EYA3: variants seen among roughly 807,000 people sequenced by gnomAD.
The protein encoded by EYA3 is protein phosphatase EYA3.
EYA3 carries 39 observed loss-of-function variants against 80.0 expected under a neutral mutation model. The ratio of observed to expected loss-of-function variants is 0.49; its 90% CI spans 0.38 to 0.64. The LOEUF is 0.64. Among genes scored for constraint, EYA3 ranks in the 30% least tolerant of loss-of-function variants. The pLI, the probability that EYA3 is intolerant of heterozygous loss-of-function variation, is 0.00. For synonymous variants in EYA3, 206 were observed against 232.8 expected (o/e 0.88, Z 1.05); for missense variants, 523 against 676.1 (o/e 0.77, Z 2.51).
chr1:28,038,907 TGAAA>T lies in EYA3; in HGVS notation c.158-6_158-3del, dbSNP rs1643620126. ...GGATGTAATCGGTGCATGTCATAAC[TGAAA>T]GAAAGATAATATCACCAGGTTAAAA... On this transcript the variant is annotated splice_region_variant and splice_polypyrimidine_tract_variant and intron_variant, in intron 4 of 17. Transcript: ENST00000373871. 1 of 1,587,024 alleles carries T rather than the reference TGAAA, an allele frequency of 6.3e-7. No individual in the cohort carries two copies. Among genetic ancestry groups the T allele is most frequent in the Non-Finnish European group, 8.6e-7 (1 of 1,162,542 alleles).
intron 16 of EYA3, among the ~76,000 whole-genome samples, chr1:27,981,716 T>C (rs891835009): frequency 7.4e-5 from 11 of 149,120 alleles, no homozygotes; most frequent in African/African-American, 2.7e-4. Flanking sequence ...AGGTCGAGGC[T>C]GTAGTGAGTC....
chr1:28,041,794 T>A (rs890776998), intron 4 of EYA3, among the ~76,000 whole-genome samples: 5 of 152,000 alleles, frequency 3.3e-5, no homozygotes, highest in Non-Finnish European at 7.4e-5. Flanking sequence ...ACAGACAAGA[T>A]CCACCATGCC....
intron 4 of EYA3, among the ~76,000 whole-genome samples, chr1:28,042,236 T>G (rs1643825211): frequency 6.6e-6 from 1 of 152,210 alleles, no homozygotes; most frequent in Non-Finnish European, 1.5e-5. Context: ...TTACACCTTT[T>G]TAAAAAATAT....
chr1:28,077,868 A>G (rs1425576525), intron 1 of EYA3, among the ~76,000 whole-genome samples: 3 of 152,146 alleles, frequency 2.0e-5, no homozygotes, highest in African/African-American at 7.2e-5. Context: ...ACATACCTAT[A>G]TATCTCATCT....
chr1:28,046,944 C>T (rs1039691005), intron 3 of EYA3, among the ~76,000 whole-genome samples: 1 of 151,098 alleles, frequency 6.6e-6, no homozygotes, highest in East Asian at 1.9e-4. Flanking sequence ...GGCCCCTGGG[C>T]TCAAGCAATC....
intron 11 of EYA3, among the ~76,000 whole-genome samples, chr1:28,002,960 A>C (rs1640983691): frequency 6.6e-6 from 1 of 151,812 alleles, no homozygotes; most frequent in Non-Finnish European, 1.5e-5. Flanking sequence ...TCTCTACTAA[A>C]AGTACAAAAA....
intron 11 of EYA3, 56 bp from the exon 12 acceptor site, chr1:28,000,105 A>C: frequency 1.5e-6 from 2 of 1,307,816 alleles, no homozygotes; most frequent in Non-Finnish European, 2.1e-6. Context: ...CCTGGTTCTA[A>C]TCTTCAAATT....
intron 1 of EYA3, among the ~76,000 whole-genome samples, chr1:28,086,424 C>T (rs542178020): frequency 1.4e-4 from 21 of 152,242 alleles, no homozygotes; most frequent in African/African-American, 4.8e-4. Context: ...CCTGGCCAAT[C>T]CTCTGGCCTT....
At position 27,973,996 on chromosome 1, in the gene EYA3, T is replaced by C. The variant is rs1339889372; in HGVS notation, c.*470A>G. On this transcript the variant is annotated 3_prime_UTR_variant, in exon 18 of 18. Transcript: ENST00000373871. ...GCATTTATCTGATCACCACAAGTTATCAGTAATTCTCAATCTGGTCATGGA... is the reference window on the plus strand; with the variant it reads ...GCATTTATCTGATCACCACAAGTTACCAGTAATTCTCAATCTGGTCATGGA... 1 of 152,832 alleles carries C rather than the reference T, an allele frequency of 6.5e-6. No individual in the cohort carries two copies. The highest frequency in any genetic ancestry group is 2.4e-5 in the African/African-American group (1 of 41,460). 9.5% of individuals were successfully genotyped at this position (152,832 alleles called of 1,614,324 possible). A position where few individuals can be genotyped will look rare whatever the true frequency, so the allele number is the denominator to read the frequency against.
intron 1 of EYA3, among the ~76,000 whole-genome samples, chr1:28,076,622 C>CG (rs1269988890): frequency 7.0e-6 from 1 of 142,164 alleles, no homozygotes; most frequent in African/African-American, 2.6e-5. Flanking sequence ...GAGCTGAGAT[C>CG]GCACCACTGC....
intron 1 of EYA3, among the ~76,000 whole-genome samples, chr1:28,072,004 T>C (rs567318673): frequency 7.9e-5 from 12 of 152,274 alleles, no homozygotes; most frequent in Non-Finnish European, 1.6e-4. Context: ...AGTCTCTGCT[T>C]AGCCTAAATG....
chr1:28,064,216 T>C (rs1438241882), intron 1 of EYA3, among the ~76,000 whole-genome samples: 1 of 152,174 alleles, frequency 6.6e-6, no homozygotes, highest in Non-Finnish European at 1.5e-5. Flanking sequence ...TCAAATCCAT[T>C]GAGACGTTGC....
rs1324594560 is a variant in EYA3, at chr1:27,973,168, C to G, written c.*1298G>C. 6.6e-6 allele frequency: 1 copy of G among 152,222 alleles called. No homozygotes were observed. Among genetic ancestry groups the G allele is most frequent in the Non-Finnish European group, 1.5e-5 (1 of 68,042 alleles). The allele number at this position is 152,222 out of a possible 1,614,324, so 9.4% of individuals were successfully genotyped here. On this transcript the variant is annotated 3_prime_UTR_variant, in exon 18 of 18. Transcript: ENST00000373871. ...CTGCTCTTCAGTTTCAGGCAGAGATCTGGGTAAATACATACCTGGGACATC... is the reference window on the plus strand; with the variant it reads ...CTGCTCTTCAGTTTCAGGCAGAGATGTGGGTAAATACATACCTGGGACATC...
chr1:28,020,972 G>C (rs979268932), intron 7 of EYA3, among the ~76,000 whole-genome samples: 1 of 151,994 alleles, frequency 6.6e-6, no homozygotes, highest in Non-Finnish European at 1.5e-5. Flanking sequence ...CTAGATGTCC[G>C]CTTAAAACAG....
intron 17 of EYA3, 86 bp from the exon 18 acceptor site, chr1:27,974,632 C>T (rs1243019064): frequency 2.7e-6 from 3 of 1,104,614 alleles, no homozygotes; most frequent in African/African-American, 1.5e-5. Context: ...CTCAACACAC[C>T]TCTCCCCAAG....
intron 7 of EYA3, among the ~76,000 whole-genome samples, chr1:28,026,537 T>C (rs760183258): frequency 6.6e-6 from 1 of 152,060 alleles, no homozygotes; most frequent in East Asian, 1.9e-4. Flanking sequence ...AGGATCACTT[T>C]AGCCCGGAAG....
At chr1:27,999,137 A>C (rs1312370258) in intron 12 of EYA3, among the ~76,000 whole-genome samples, 1 of 152,246 alleles carries the variant, frequency 6.6e-6, no homozygotes, top group Non-Finnish European at 1.5e-5. Context: ...CATGTACTAC[A>C]CAGCTCAAAA....
intron 1 of EYA3, among the ~76,000 whole-genome samples, chr1:28,065,965 C>T (rs571921061): frequency 6.6e-6 from 1 of 151,524 alleles, no homozygotes; most frequent in South Asian, 2.1e-4. Flanking sequence ...GCTGAGATCA[C>T]GCCATTGCAC....
At chr1:28,002,968 A>C (rs1640984669) in intron 11 of EYA3, among the ~76,000 whole-genome samples, 1 of 151,804 alleles carries the variant, frequency 6.6e-6, no homozygotes, top group Admixed American at 6.6e-5. Flanking sequence ...AAAAGTACAA[A>C]AATTAGGGCT....
Sources: gnomAD v4.1 joint callset for allele counts (sites outside exome capture counted in the v4.1 genomes callset) on GRCh38, gnomAD v4.1.1 for gene constraint, MANE v1.5 for transcripts, NCBI Gene and HGNC (gene_info 2026-07-23, HGNC 2026-07-21) for gene names.